EPHB2: variants seen among roughly 807,000 people sequenced by gnomAD.
EPHB2 encodes the protein EPH receptor B2.
EPHB2 carries 18 observed loss-of-function variants against 96.4 expected under a neutral mutation model. The ratio of observed to expected loss-of-function variants is 0.19; its 90% CI spans 0.13 to 0.28. The LOEUF (loss-of-function observed/expected upper bound fraction) is 0.28. Among genes scored for constraint, EPHB2 ranks in the 10% least tolerant of loss-of-function variants. The pLI is 1.00. For synonymous variants in EPHB2, 506 were observed against 534.1 expected (o/e 0.95, Z 0.72); for missense variants, 989 against 1,355.4 (o/e 0.73, Z 4.25).
chr1:22,804,348 GA>G (rs900593227), intron 3 of EPHB2, among the ~76,000 whole-genome samples: 2 of 152,008 alleles, frequency 1.3e-5, no homozygotes, highest in Non-Finnish European at 2.9e-5. Context: ...TGCCTTTAAG[GA>G]AAAAATCTGC....
Position 22,914,002 on chromosome 1 carries a change from C to A in EPHB2, c.*432C>A. On this transcript the variant is annotated 3_prime_UTR_variant, in exon 16 of 16. Transcript: ENST00000374630. ...GAAAAACAAATGTGAAGGGGAGAGA[C>A]AGGGGCCGCCCTTGGCTCCTGTCCC... 7.9e-7 allele frequency: 1 copy of A among 1,260,856 alleles called. No homozygotes were observed. Among genetic ancestry groups the A allele is most frequent in the Non-Finnish European group, 1.1e-6 (1 of 932,194 alleles). The allele number at this position is 1,260,856 out of a possible 1,614,324, so 78.1% of individuals were successfully genotyped here. A position where few individuals can be genotyped will look rare whatever the true frequency, so the allele number is the denominator to read the frequency against.
chr1:22,734,193 G>A (rs1643775860), intron 1 of EPHB2, among the ~76,000 whole-genome samples: 2 of 152,136 alleles, frequency 1.3e-5, no homozygotes, highest in African/African-American at 4.8e-5. Context: ...CTGCATGCAG[G>A]CAGCTGGTCC....
At chr1:22,805,720 A>G (rs1285783605) in intron 3 of EPHB2, among the ~76,000 whole-genome samples, 2 of 152,176 alleles carry the variant, frequency 1.3e-5, no homozygotes, top group Non-Finnish European at 2.9e-5. Context: ...AGGTGCATGT[A>G]CATGTGTGTA....
chr1:22,714,600 G>A (rs1289817910), intron 1 of EPHB2, among the ~76,000 whole-genome samples: 1 of 152,130 alleles, frequency 6.6e-6, no homozygotes, highest in Non-Finnish European at 1.5e-5. Flanking sequence ...GGGGAGTTTG[G>A]ATCAAATGCT....
chr1:22,864,427 G>T (rs1387756074), intron 4 of EPHB2, among the ~76,000 whole-genome samples: 1 of 152,178 alleles, frequency 6.6e-6, no homozygotes, highest in Non-Finnish European at 1.5e-5. Flanking sequence ...AGCAGGGAAA[G>T]GACAAAGGGA....
intron 6 of EPHB2, among the ~76,000 whole-genome samples, chr1:22,885,632 G>C (rs1011228602): frequency 6.6e-6 from 1 of 152,228 alleles, no homozygotes; most frequent in African/African-American, 2.4e-5. Context: ...AGAGGATCCA[G>C]CAAGGATTTG....
At chr1:22,768,720 G>GGTGTCTGGAGTTCTCTTTCCC (rs71020447) in intron 1 of EPHB2, among the ~76,000 whole-genome samples, 3,028 of 151,460 alleles carry the variant, frequency 0.02, 46 homozygotes, top group Non-Finnish European at 0.032. Flanking sequence ...GACTCTTTGT[G>GGTGTCTGGAGTTCTCTTTCCC]GTGTCTGGAG....
intron 4 of EPHB2, 28 bp downstream of exon 4, chr1:22,863,220 T>C: frequency 6.2e-7 from 1 of 1,613,930 alleles, no homozygotes; most frequent in Non-Finnish European, 8.5e-7. Flanking sequence ...TCAAGGGCGA[T>C]GGCTGGCCGA....
In EPHB2 at chr1:22,817,376, G is replaced by A. The variant is rs538282860; in HGVS notation, c.811+32300G>A. Among the ~76,000 whole-genome samples, 24 of 152,370 alleles carry A rather than the reference G, an allele frequency of 1.6e-4. 1 individual carries two copies. The highest frequency in any genetic ancestry group is 5.8e-4 in the African/African-American group (24 of 41,580). On this transcript the variant is annotated intron_variant, in intron 3 of 15. Coordinates refer to ENST00000374630, the MANE Select transcript of EPHB2 (RefSeq NM_017449.5). ...GATGAAATGTGGCACAGAAAGGCTTGTGACTCACCGAAGGTCACACAGCTA... is the reference window on the plus strand; with the variant it reads ...GATGAAATGTGGCACAGAAAGGCTTATGACTCACCGAAGGTCACACAGCTA...
At position 22,805,328 on chromosome 1, in the gene EPHB2, T is replaced by TC. The variant is rs576205964; in HGVS notation, c.811+20259dup. Among the ~76,000 whole-genome samples the TC allele has an allele frequency of 3.7e-4, 56 of 151,702 alleles. No individual in the cohort carries two copies. In the South Asian group the frequency reaches 6.3e-3, roughly 17 times the overall value. On this transcript the variant is annotated intron_variant, in intron 3 of 15. Transcript: ENST00000374630. ...TACGCAGTCTCTCTCAGCCTCAGTT[T>TC]CCCCCCCAGGCCCTTGAATAAATTA...
chr1:22,721,395 C>T (rs12405683), intron 1 of EPHB2, among the ~76,000 whole-genome samples: 1,527 of 152,188 alleles, frequency 0.01, 20 homozygotes, highest in Admixed American at 0.043. Context: ...AACGTAATAC[C>T]GGGAATAAAT....
At position 22,895,505 on chromosome 1, in the gene EPHB2, C is replaced by T. The variant is rs778168582; in HGVS notation, c.1625C>T (p.Pro542Leu). Residue 542 changes from proline (P) to leucine (L), a missense_variant, in exon 8 of 16, where the codon CCA (proline) becomes CTA (leucine). Pro to Leu is a moderately conservative substitution (Grantham distance 98, BLOSUM62 -3). Coordinates refer to ENST00000374630, the MANE Select transcript of EPHB2 (RefSeq NM_017449.5). ...EYQTSIQEKLPLIIGSSAAGL... is the reference protein window; with the variant it reads ...EYQTSIQEKLLLIIGSSAAGL... ...CAGACAAGCATCCAGGAGAAGTTGC[C>T]ACTCATCATCGGCTCCTCGGCCGCT... The T allele has an allele frequency of 2.5e-6, 4 of 1,614,246 alleles. No homozygotes were observed. Among genetic ancestry groups the T allele is most frequent in the Non-Finnish European group, 1.7e-6 (2 of 1,180,040 alleles).
chr1:22,741,721 G>A (rs1477044237), intron 1 of EPHB2, among the ~76,000 whole-genome samples: 2 of 141,626 alleles, frequency 1.4e-5, no homozygotes, highest in African/African-American at 5.1e-5. Flanking sequence ...TTCTCACGTT[G>A]GCTCTGGCTC....
intron 3 of EPHB2, among the ~76,000 whole-genome samples, chr1:22,811,829 C>T (rs991729463): frequency 6.6e-6 from 1 of 152,184 alleles, no homozygotes; most frequent in Non-Finnish European, 1.5e-5. Context: ...GTGTGAGTCC[C>T]AGAGTTCCAG....
intron 1 of EPHB2, among the ~76,000 whole-genome samples, chr1:22,747,444 T>G (rs1186949852): frequency 6.6e-6 from 1 of 152,232 alleles, no homozygotes; most frequent in African/African-American, 2.4e-5. Context: ...AACTAGGCTG[T>G]TCCAGAGATT....
intron 9 of EPHB2, among the ~76,000 whole-genome samples, chr1:22,903,974 C>T (rs556891924): frequency 2.6e-5 from 4 of 152,272 alleles, no homozygotes; most frequent in South Asian, 2.1e-4. Context: ...AAAACATATA[C>T]ATGTATAAAA....
At position 22,860,231 on chromosome 1, in the gene EPHB2, C is replaced by T. The variant is rs1358788867; in HGVS notation, c.812-2806C>T. On this transcript the variant is annotated intron_variant, in intron 3 of 15. Transcript: ENST00000374630. This position sits in a 1 kb window ranked among gnomAD's most constrained non-coding sequence, Gnocchi z 4.6. ...GGAGGAGGCCAGATGGCGTGAGAGG[C>T]TGAGGAGTGGGTGGAAAGAGCTTTC... Among the ~76,000 whole-genome samples the T allele has an allele frequency of 2.0e-5, 3 of 152,052 alleles. No individual in the cohort carries two copies. Among genetic ancestry groups the T allele is most frequent in the Admixed American group, 1.3e-4 (2 of 15,260 alleles).
intron 5 of EPHB2, among the ~76,000 whole-genome samples, chr1:22,878,691 T>A (rs1570427702): frequency 6.6e-6 from 1 of 152,220 alleles, no homozygotes; most frequent in Non-Finnish European, 1.5e-5. Context: ...AAGTACCTGC[T>A]TAAGGCCACA....
intron 1 of EPHB2, among the ~76,000 whole-genome samples, chr1:22,727,183 C>G (rs1404278536): frequency 6.6e-6 from 1 of 152,250 alleles, no homozygotes; most frequent in East Asian, 1.9e-4. Flanking sequence ...CAGGGAGAGG[C>G]AAGCTGGAGG....
Sources: gnomAD v4.1 joint callset for allele counts (sites outside exome capture counted in the v4.1 genomes callset) on GRCh38, gnomAD v4.1.1 for gene constraint, Gnocchi (gnomAD v3.1) non-coding constraint, MANE v1.5 for transcripts, NCBI Gene and HGNC (gene_info 2026-07-23, HGNC 2026-07-21) for gene names.